The following SLC30A7 variants were observed in gnomAD, a reference collection of about 807,000 sequenced individuals.
SLC30A7 encodes the protein solute carrier family 30 member 7, also known as zinc transporter 7.
A neutral mutation model predicts 46.0 loss-of-function variants in SLC30A7; 35 were observed. The ratio of observed to expected loss-of-function variants is 0.76; its 90% CI spans 0.58 to 1.01. The LOEUF (loss-of-function observed/expected upper bound fraction) is 1.01. SLC30A7 is among the 50% of genes least tolerant of loss of function. SLC30A7 has a pLI of 0.00. For missense variants in SLC30A7, 464 were observed against 451.1 expected (o/e 1.03, Z -0.26); for synonymous variants, 147 against 157.8 (o/e 0.93, Z 0.51).
intron 9 of SLC30A7, among the ~76,000 whole-genome samples, 176 bp from the exon 10 acceptor site, chr1:100,965,593 C>T (rs964729092): frequency 6.6e-6 from 1 of 152,176 alleles, no homozygotes; most frequent in African/African-American, 2.4e-5. Context: ...TGTCATGGCA[C>T]CTGGCACATA....
intron 10 of SLC30A7, among the ~76,000 whole-genome samples, chr1:100,966,692 A>G (rs1425759117): frequency 6.6e-6 from 1 of 152,240 alleles, no homozygotes; most frequent in Non-Finnish European, 1.5e-5. Context: ...GATAGTTCCT[A>G]TATGCTCATC....
Position 100,940,851 on chromosome 1 carries a change from T to G in SLC30A7, c.842+19010T>G, listed in dbSNP as rs372617284. On this transcript the variant is annotated intron_variant, in intron 8 of 10. Coordinates refer to ENST00000357650, the MANE Select transcript of SLC30A7 (RefSeq NM_133496.5). ...ATTAATCACAAATATAGTTTTCATG[T>G]TTTTTGCCCATATACACAAATACTG... Among the ~76,000 whole-genome samples the G allele has an allele frequency of 9.8e-5, 15 of 152,352 alleles. No individual in the cohort carries two copies. The South Asian group carries it at 1.9e-3, about 19-fold the overall frequency.
chr1:100,917,816 G>A (rs1652669416), intron 6 of SLC30A7, among the ~76,000 whole-genome samples: 1 of 152,048 alleles, frequency 6.6e-6, no homozygotes, highest in Non-Finnish European at 1.5e-5. Flanking sequence ...TTTTCACAAT[G>A]TCTTTAATTT....
chr1:100,974,091 C>CT (rs1488483247), intron 10 of SLC30A7, among the ~76,000 whole-genome samples: 5 of 151,968 alleles, frequency 3.3e-5, no homozygotes, highest in Non-Finnish European at 7.4e-5. Context: ...ATTTTTGTTG[C>CT]TTTTTGTTGT....
At chr1:100,899,548 ACT>A (rs1462530653) in intron 2 of SLC30A7, among the ~76,000 whole-genome samples, 1 of 151,846 alleles carries the variant, frequency 6.6e-6, no homozygotes, top group African/African-American at 2.4e-5. Context: ...TTACAGAAAA[ACT>A]CTGCACACCT....
chr1:100,896,562 A>C lies in SLC30A7; in HGVS notation c.81-8A>C, dbSNP rs2100994280. The stretch of plus-strand genomic sequence containing the variant: ...CTCCCGGCTCTTTTCCACGTGTATC[A>C]TTCCCAGGTCTATACTGTCCGACAA... On this transcript the variant is annotated splice_region_variant and splice_polypyrimidine_tract_variant and intron_variant, in intron 1 of 10. Transcript: ENST00000357650. The C allele has an allele frequency of 6.2e-7, 1 of 1,612,870 alleles. No homozygotes were observed. Among genetic ancestry groups the C allele is most frequent in the East Asian group, 2.2e-5 (1 of 44,862 alleles).
intron 8 of SLC30A7, among the ~76,000 whole-genome samples, chr1:100,944,588 GT>G (rs763876785): frequency 6.6e-6 from 1 of 151,916 alleles, no homozygotes; most frequent in South Asian, 2.1e-4. Flanking sequence ...CATGTGCCAT[GT>G]TGGTTTGCTG....
intron 8 of SLC30A7, among the ~76,000 whole-genome samples, chr1:100,951,613 T>C (rs1654957427): frequency 6.6e-6 from 1 of 152,184 alleles, no homozygotes; most frequent in African/African-American, 2.4e-5. Flanking sequence ...AGGCTCGTGG[T>C]AACTGCTGTG....
At chr1:100,941,617 C>T (rs2101057911) in intron 8 of SLC30A7, 2 of 590,784 alleles carry the variant, frequency 3.4e-6, no homozygotes, top group East Asian at 4.1e-5. Context: ...CTTCAGTATA[C>T]TCTTTAATGC....
At chr1:100,923,041 G>A (rs1375371468) in intron 8 of SLC30A7, among the ~76,000 whole-genome samples, 1 of 116,106 alleles carries the variant, frequency 8.6e-6, no homozygotes, top group Non-Finnish European at 1.8e-5. Context: ...TTTTTGAGAC[G>A]GAGTCTCGCT....
chr1:100,914,170 C>T lies in SLC30A7; in HGVS notation c.655+364C>T, dbSNP rs1652316718. Among the ~76,000 whole-genome samples the T allele has an allele frequency of 7.9e-5, 12 of 152,180 alleles. No individual in the cohort carries two copies. In the South Asian group the frequency reaches 2.5e-3, roughly 32 times the overall value. ...ATCACGTAAGGGTAAATGGGGTTTC[C>T]ATTCCCTCAAGCATTTATCCTGTGT... On this transcript the variant is annotated intron_variant, in intron 6 of 10. Coordinates refer to ENST00000357650, the MANE Select transcript of SLC30A7 (RefSeq NM_133496.5).
chr1:100,954,364 T>A (rs1655120513), intron 8 of SLC30A7, among the ~76,000 whole-genome samples: 1 of 152,146 alleles, frequency 6.6e-6, no homozygotes, highest in Non-Finnish European at 1.5e-5. Context: ...GATTTTAACA[T>A]TTTCTTAAAG....
intron 2 of SLC30A7, among the ~76,000 whole-genome samples, chr1:100,899,519 G>C (rs1011633801): frequency 6.6e-6 from 1 of 151,936 alleles, no homozygotes; most frequent in Non-Finnish European, 1.5e-5. Flanking sequence ...TATCATCTAC[G>C]GTTAAGTTTG....
chr1:100,900,656 G>C (rs1230451689), intron 2 of SLC30A7, among the ~76,000 whole-genome samples: 2 of 152,040 alleles, frequency 1.3e-5, no homozygotes, highest in East Asian at 3.9e-4. Context: ...GAATGTAGTG[G>C]AGTTCTGGGT....
In SLC30A7 at chr1:100,912,115, G is replaced by T; in HGVS notation, c.388G>T (p.Ala130Ser). Residue 130 changes from alanine to serine, a missense_variant, in exon 5 of 11, where the codon GCA becomes TCA. Coordinates refer to ENST00000357650, the MANE Select transcript of SLC30A7 (RefSeq NM_133496.5). Reference sequence around the variant, plus strand: ...GTTTGTATTATGTGTTTTCTAGAGAGCATTAGCCCCTCCAGATGTCCACCA... The same window carrying T: ...GTTTGTATTATGTGTTTTCTAGAGATCATTAGCCCCTCCAGATGTCCACCA... ...FFIFSEGVER[A>S]LAPPDVHHER... is the part of the protein sequence containing the mutation. The T allele has an allele frequency of 6.2e-7, 1 of 1,613,530 alleles. No individual in the cohort carries two copies. The highest frequency in any genetic ancestry group is 8.5e-7 in the Non-Finnish European group (1 of 1,179,578).
chr1:100,900,745 A>C (rs1419150379), intron 2 of SLC30A7, among the ~76,000 whole-genome samples: 1 of 152,172 alleles, frequency 6.6e-6, no homozygotes, highest in Non-Finnish European at 1.5e-5. Flanking sequence ...CTGATAATAA[A>C]TTGACAGTGT....
intron 8 of SLC30A7, among the ~76,000 whole-genome samples, chr1:100,953,552 T>C (rs1268597306): frequency 6.6e-6 from 1 of 152,178 alleles, no homozygotes; most frequent in East Asian, 1.9e-4. Context: ...CAGATTTGCC[T>C]AAAGAGCTTG....
At chr1:100,982,376 AT>A (rs1277359116), downstream of SLC30A7, among the ~76,000 whole-genome samples, 1 of 152,088 alleles carries the variant, frequency 6.6e-6, no homozygotes, top group Admixed American at 6.6e-5. Context: ...ACTCCTCCCT[AT>A]TTCGTAGAAG....
the SLC30A7 span, among the ~76,000 whole-genome samples, chr1:100,987,336 A>G: frequency 1.3e-5 from 2 of 152,034 alleles, no homozygotes; most frequent in African/African-American, 4.8e-5. Context: ...TTTTCCTTCT[A>G]TTCTTCTGGA....
Sources: gnomAD v4.1 joint callset for allele counts (sites outside exome capture counted in the v4.1 genomes callset) on GRCh38, gnomAD v4.1.1 for gene constraint, MANE v1.5 for transcripts, NCBI Gene and HGNC (gene_info 2026-07-23, HGNC 2026-07-21) for gene names.